The following CEBPZOS variants were observed in gnomAD, a reference collection of about 807,000 sequenced individuals.
The protein encoded by CEBPZOS is protein CEBPZOS.
In CEBPZOS, 10 loss-of-function variants were observed where a neutral mutation model predicts 4.8. The ratio of observed to expected loss-of-function variants is 2.07; its 90% CI spans 1.28 to 3.52. The LOEUF (loss-of-function observed/expected upper bound fraction) is 3.52. Among genes scored for constraint, CEBPZOS ranks in the 30% most tolerant of loss-of-function variants. The pLI, the probability that CEBPZOS is intolerant of heterozygous loss-of-function variation, is 0.00. For missense variants in CEBPZOS, 98 were observed against 43.6 expected (o/e 2.25, Z -3.51); for synonymous variants, 25 against 14.2 (o/e 1.77, Z -1.72).
rs1677360168 is a variant in CEBPZOS at position 37,203,094 on chromosome 2, A to G, written c.*1234A>G. 1.1e-6 allele frequency: 1 copy of G among 904,790 alleles called. No homozygotes were observed. The highest frequency in any genetic ancestry group is 1.6e-6 in the Non-Finnish European group (1 of 613,844). 56.0% of individuals were successfully genotyped at this position (904,790 alleles called of 1,614,324 possible). On this transcript the variant is annotated 3_prime_UTR_variant, in exon 5 of 5. Transcript: ENST00000402297. ...AATGCAACATGATTTTATTTTAAAA[A>G]TTATACTTGGGTAAAAACAATTGCA...
chr2:37,197,451 T>C (rs893698340), intron 1 of CEBPZOS: 1 of 152,290 alleles, frequency 6.6e-6, no homozygotes. Context: ...TTCTTTTCTT[T>C]TAACCCTGGC....
downstream of CEBPZOS, among the ~76,000 whole-genome samples, chr2:37,206,432 A>G (rs1234251913): frequency 6.6e-6 from 1 of 152,254 alleles, no homozygotes; most frequent in East Asian, 1.9e-4. Flanking sequence ...ATCTTGGCTC[A>G]CTGCGACCTC....
At chr2:37,199,663 T>TA in intron 1 of CEBPZOS, 41 bp from the exon 2 acceptor site, 1 of 700,196 alleles carries the variant, frequency 1.4e-6, no homozygotes, top group South Asian at 1.5e-5. Context: ...GTAGTTTAAG[T>TA]ATGTTCATTC....
At chr2:37,207,442 G>T (rs1211976614), downstream of CEBPZOS, among the ~76,000 whole-genome samples, 1 of 152,084 alleles carries the variant, frequency 6.6e-6, no homozygotes, top group East Asian at 1.9e-4. Flanking sequence ...AACTGAAATT[G>T]TATCAAGTAC....
intron 4 of CEBPZOS, chr2:37,210,066 C>T (rs2148345936): frequency 6.6e-6 from 1 of 152,224 alleles, no homozygotes; most frequent in East Asian, 1.9e-4. Context: ...AAATCAAAGC[C>T]ACAGTGCAAT....
chr2:37,215,220 C>G (rs1456840554), downstream of CEBPZOS: 1 of 272,242 alleles, frequency 3.7e-6, no homozygotes, highest in Non-Finnish European at 6.8e-6. Flanking sequence ...ACAGGGTTCT[C>G]TTACTGTTCT....
At chr2:37,215,889 G>T (rs1319742692), downstream of CEBPZOS, among the ~76,000 whole-genome samples, 1 of 151,654 alleles carries the variant, frequency 6.6e-6, no homozygotes, top group Non-Finnish European at 1.5e-5. Flanking sequence ...TGGTAATGGG[G>T]AGGGGGTTCA....
Position 37,203,173 on chromosome 2 carries a change from G to C in CEBPZOS, c.*1313G>C. 1 of 467,764 alleles carries C rather than the reference G, an allele frequency of 2.1e-6. No individual in the cohort carries two copies. The highest frequency in any genetic ancestry group is 4.1e-5 in the Admixed American group (1 of 24,662). 29.0% of individuals were successfully genotyped at this position (467,764 alleles called of 1,614,324 possible). On this transcript the variant is annotated 3_prime_UTR_variant, in exon 5 of 5. Coordinates refer to ENST00000402297, the MANE Select transcript of CEBPZOS (RefSeq NM_001322374.2). ...GCATTTAAATATAATTTAAGAGTTA[G>C]TATATAATATTTTCAAAAAGCTAAC...
Position 37,199,746 on chromosome 2 carries a change from A to C in CEBPZOS, c.42A>C (p.Lys14Asn), listed in dbSNP as rs1004085660. 5.6e-6 allele frequency: 4 copies of C among 717,388 alleles called. No homozygotes were observed. Among genetic ancestry groups the C allele is most frequent in the African/African-American group, 1.7e-5 (1 of 57,278 alleles). The allele number at this position is 717,388 out of a possible 1,614,324, so 44.4% of individuals were successfully genotyped here. The change falls in exon 2 of 5, where the codon AAA (lysine) becomes AAC (asparagine). Residue 14 changes from lysine (K) to asparagine (N), a missense_variant. By Grantham distance (94) the Lys-to-Asn change is moderately conservative (BLOSUM62 0). Transcript: ENST00000402297. Reference protein sequence around the residue: ...TLEPLAKKIFKGVLVAELVGV... With the variant: ...TLEPLAKKIFNGVLVAELVGV... ...AACCACTAGCAAAGAAGATCTTTAA[A>C]GGAGTTTTGGTAGCCGAACTTGTAG...
chr2:37,207,239 G>C (rs540572277), downstream of CEBPZOS, among the ~76,000 whole-genome samples: 1 of 152,244 alleles, frequency 6.6e-6, no homozygotes, highest in Admixed American at 6.5e-5. Flanking sequence ...GCCCTAGACG[G>C]GTCATCAAGA....
downstream of CEBPZOS, chr2:37,214,106 C>T (rs1379891761): frequency 6.3e-6 from 3 of 478,078 alleles, no homozygotes; most frequent in Non-Finnish European, 1.1e-5. Context: ...AAATTTGTAT[C>T]TAATATACAA....
chr2:37,212,655 T>C, intron 4 of CEBPZOS: 1 of 481,174 alleles, frequency 2.1e-6, no homozygotes, highest in Non-Finnish European at 3.7e-6. Flanking sequence ...AGAGGATAAA[T>C]ATCAAATAAA....
chr2:37,198,707 T>C (rs1265841022), intron 1 of CEBPZOS: 1 of 152,244 alleles, frequency 6.6e-6, no homozygotes, highest in Non-Finnish European at 1.5e-5. Flanking sequence ...AGCTTATCTT[T>C]AATTTGAAAA....
intron 4 of CEBPZOS, chr2:37,212,278 G>A: frequency 6.8e-7 from 1 of 1,478,652 alleles, no homozygotes; most frequent in Non-Finnish European, 9.4e-7. Flanking sequence ...CTGTTCTGAG[G>A]GACAACAATT....
In CEBPZOS at chr2:37,196,537, T is replaced by C. The variant is rs1176518198; in HGVS notation, c.-2+17T>C. 3.3e-5 allele frequency: 5 copies of C among 152,170 alleles called. No homozygotes were observed. Among genetic ancestry groups the C allele is most frequent in the Non-Finnish European group, 7.3e-5 (5 of 68,070 alleles). 9.4% of individuals were successfully genotyped at this position (152,170 alleles called of 1,614,324 possible). A position where few individuals can be genotyped will look rare whatever the true frequency, so the allele number is the denominator to read the frequency against. ...GCACCTCAGGTAAGACTCTGGCGAG[T>C]GGCTTCCCATGGGCGGTCGGATTTC... On this transcript the variant is annotated intron_variant, in intron 1 of 4. Transcript: ENST00000402297.
chr2:37,198,297 T>C (rs549445954), intron 1 of CEBPZOS, among the ~76,000 whole-genome samples: 1 of 152,290 alleles, frequency 6.6e-6, no homozygotes, highest in South Asian at 2.1e-4. Flanking sequence ...TGCCTCTTAG[T>C]TATATATGAA....
At chr2:37,211,003 A>G (rs756798088) in intron 4 of CEBPZOS, 2 of 1,607,718 alleles carry the variant, frequency 1.2e-6, no homozygotes, top group Non-Finnish European at 1.7e-6. Flanking sequence ...TCTTACCTTG[A>G]AATGAGCCAG....
chr2:37,199,788 T>C lies in CEBPZOS; in HGVS notation c.84T>C (p.Tyr28=). Residue 28 remains tyrosine, a synonymous_variant, in exon 2 of 5, where the codon TAT becomes TAC. Transcript: ENST00000402297. ...VAELVGVFGA[Y]FLFSKMHTSQ... ...AACTTGTAGGCGTTTTTGGAGCATA[T>C]TTTTTGTTTAGCAAGATGCACACAA... The C allele has an allele frequency of 1.4e-6, 1 of 717,628 alleles. No homozygotes were observed. Among genetic ancestry groups the C allele is most frequent in the East Asian group, 2.7e-5 (1 of 37,276 alleles). The allele number at this position is 717,628 out of a possible 1,614,324, so 44.5% of individuals were successfully genotyped here.
chr2:37,199,832 C>T lies in CEBPZOS; in HGVS notation c.115+13C>T. 1 of 716,630 alleles carries T rather than the reference C, an allele frequency of 1.4e-6. No homozygotes were observed. The highest frequency in any genetic ancestry group is 1.7e-5 in the African/African-American group (1 of 57,294). The allele number at this position is 716,630 out of a possible 1,614,324, so 44.4% of individuals were successfully genotyped here. A position where few individuals can be genotyped will look rare whatever the true frequency, so the allele number is the denominator to read the frequency against. On this transcript the variant is annotated intron_variant, in intron 2 of 4. Coordinates refer to ENST00000402297, the MANE Select transcript of CEBPZOS (RefSeq NM_001322374.2). ...CACACAAGCCAAGGTAATCATAATTCAGAAGTTAATGCTTTCTAAAGGGGT... is the reference window on the plus strand; with the variant it reads ...CACACAAGCCAAGGTAATCATAATTTAGAAGTTAATGCTTTCTAAAGGGGT...
Sources: gnomAD v4.1 joint callset for allele counts (sites outside exome capture counted in the v4.1 genomes callset) on GRCh38, gnomAD v4.1.1 for gene constraint, MANE v1.5 for transcripts, NCBI Gene and HGNC (gene_info 2026-07-23, HGNC 2026-07-21) for gene names.